The following KCNJ12 variants were observed in gnomAD, a reference collection of about 807,000 sequenced individuals.
KCNJ12 encodes ATP-sensitive inward rectifier potassium channel 12.
A neutral mutation model predicts 22.3 loss-of-function variants in KCNJ12; 2 were observed. The ratio of observed to expected loss-of-function variants is 0.09; its 90% CI spans 0.04 to 0.28. The LOEUF (loss-of-function observed/expected upper bound fraction) is 0.28. Ranked by LOEUF, KCNJ12 falls within the 10% of genes least tolerant of loss-of-function variation. The probability of loss-of-function intolerance (pLI) is 1.00; values close to 1 mark genes in which losing one functional copy is unlikely to be tolerated. For synonymous variants in KCNJ12, 117 were observed against 261.4 expected, an observed-to-expected ratio of 0.45 and a Z score of 5.33; for missense variants, 155 against 633.3, an observed-to-expected ratio of 0.24 and a Z score of 8.11.
chr17:21,409,536 C>T (rs1657721), intron 2 of KCNJ12, among the ~76,000 whole-genome samples: 31 of 152,412 alleles, frequency 2.0e-4, no homozygotes, highest in African/African-American at 5.3e-4. Flanking sequence ...GCACTGGAGC[C>T]GACTCCCGCT....
chr17:21,381,506 C>T (rs1481165146), intron 1 of KCNJ12, among the ~76,000 whole-genome samples: 1 of 152,018 alleles, frequency 6.6e-6, no homozygotes, highest in Non-Finnish European at 1.5e-5. Context: ...GCTTGCCTTG[C>T]TGTGCTTCCA....
chr17:21,387,941 G>C (rs1300375671), intron 1 of KCNJ12, among the ~76,000 whole-genome samples: 1 of 152,080 alleles, frequency 6.6e-6, no homozygotes, highest in African/African-American at 2.4e-5. Context: ...CTGGTTGGTA[G>C]CCCCCTTGAC....
intron 2 of KCNJ12, among the ~76,000 whole-genome samples, chr17:21,410,210 C>T (rs1466011736): frequency 3.3e-5 from 5 of 152,206 alleles, no homozygotes; most frequent in African/African-American, 1.2e-4. Context: ...CTGGGCAGGG[C>T]CTGCCATGAG....
intron 1 of KCNJ12, among the ~76,000 whole-genome samples, chr17:21,388,437 C>T (rs116366462): frequency 0.02 from 3,045 of 152,300 alleles, 113 homozygotes; most frequent in African/African-American, 0.067. Flanking sequence ...CCTAGTCCCT[C>T]TGGAGGTGGG....
intron 1 of KCNJ12, among the ~76,000 whole-genome samples, chr17:21,401,446 C>T (rs1179961303): frequency 6.6e-6 from 1 of 152,250 alleles, no homozygotes; most frequent in African/African-American, 2.4e-5. Context: ...ATTTCCTGCC[C>T]TGTGGGCCGA....
intron 1 of KCNJ12, among the ~76,000 whole-genome samples, chr17:21,379,293 TG>T (rs1904782182): frequency 6.6e-6 from 1 of 152,324 alleles, no homozygotes; most frequent in African/African-American, 2.4e-5. Context: ...GGCATATGGC[TG>T]GGGCGGAAGT....
Position 21,388,133 on chromosome 17 carries a change from G to T in KCNJ12, c.-179+11220G>T, listed in dbSNP as rs1555558907. On this transcript the variant is annotated intron_variant, in intron 1 of 2. Transcript: ENST00000583088. The stretch of plus-strand genomic sequence containing the variant: ...GTAGTTCCATTTCTGGCAGCTGCCG[G>T]CTCCTGCAGGGAGGGTGTTTTCCTG... 3.3e-5 allele frequency among the ~76,000 whole-genome samples: 5 copies of T among 152,296 alleles called. No homozygotes were observed. In the East Asian group the frequency reaches 7.7e-4, roughly 24 times the overall value.
chr17:21,392,563 CGG>C (rs1905236393), intron 1 of KCNJ12, among the ~76,000 whole-genome samples: 1 of 152,232 alleles, frequency 6.6e-6, no homozygotes, highest in South Asian at 2.1e-4. Flanking sequence ...GGGCTGCACC[CGG>C]CACTGGCCTT....
chr17:21,398,852 GCATAGCA>G (rs1294803442), intron 1 of KCNJ12, among the ~76,000 whole-genome samples: 1 of 152,256 alleles, frequency 6.6e-6, no homozygotes, highest in Non-Finnish European at 1.5e-5. Flanking sequence ...TGTGTGGTGT[GCATAGCA>G]CATAGCACTG....
chr17:21,385,647 C>T (rs1905047883), intron 1 of KCNJ12, among the ~76,000 whole-genome samples: 1 of 152,208 alleles, frequency 6.6e-6, no homozygotes, highest in Admixed American at 6.5e-5. Flanking sequence ...ACCCCGCTGC[C>T]CTCCTCTTTT....
At chr17:21,383,561 G>C (rs1904959188) in intron 1 of KCNJ12, among the ~76,000 whole-genome samples, 1 of 152,176 alleles carries the variant, frequency 6.6e-6, no homozygotes, top group Non-Finnish European at 1.5e-5. Flanking sequence ...GACAGTCTTG[G>C]GTCTTGTGGA....
At chr17:21,403,288 T>A (rs1905736632) in intron 1 of KCNJ12, among the ~76,000 whole-genome samples, 1 of 152,312 alleles carries the variant, frequency 6.6e-6, no homozygotes, top group Non-Finnish European at 1.5e-5. Flanking sequence ...TTCTTATTGA[T>A]TCATAAGAAC....
At chr17:21,386,037 C>G (rs941439417) in intron 1 of KCNJ12, among the ~76,000 whole-genome samples, 1 of 152,230 alleles carries the variant, frequency 6.6e-6, no homozygotes. Flanking sequence ...AAAGCCGAGG[C>G]AGGGATCAGA....
At chr17:21,409,163 T>A (rs1328765991) in intron 2 of KCNJ12, among the ~76,000 whole-genome samples, 1 of 152,304 alleles carries the variant, frequency 6.6e-6, no homozygotes, top group African/African-American at 2.4e-5. Flanking sequence ...AGATCAACTC[T>A]CACACAAGGT....
chr17:21,379,291 G>T (rs1904782081), intron 1 of KCNJ12, among the ~76,000 whole-genome samples: 1 of 152,230 alleles, frequency 6.6e-6, no homozygotes, highest in Non-Finnish European at 1.5e-5. Flanking sequence ...TTGGCATATG[G>T]CTGGGGCGGA....
rs782746237 is a variant in KCNJ12 at position 21,416,538 on chromosome 17, G to A, written c.1196G>A (p.Arg399Gln). 34 of 1,609,378 alleles carry A rather than the reference G, an allele frequency of 2.1e-5. No individual in the cohort carries two copies. In the East Asian group the frequency reaches 5.1e-4, roughly 24 times the overall value. Reference protein sequence around the residue: ...EDEADGDQDGRSRDGLSPQAR... With the variant: ...EDEADGDQDGQSRDGLSPQAR... ...GAGGCGGACGGAGACCAGGACGGCC[G>A]AAGCCGGGACGGCCTCAGCCCCCAG... Residue 399 changes from arginine to glutamine, a missense_variant, in exon 3 of 3, where the codon CGA (arginine) becomes CAA (glutamine). Physicochemically the swap from Arg to Gln is conservative, Grantham distance 43. Transcript: ENST00000583088.
rs1454858367 is a variant in KCNJ12, at chr17:21,388,970, G to C, written c.-179+12057G>C. On this transcript the variant is annotated intron_variant, in intron 1 of 2. Coordinates refer to ENST00000583088, the MANE Select transcript of KCNJ12 (RefSeq NM_021012.5). The stretch of plus-strand genomic sequence containing the variant: ...TGGCAGCGCTGGGCATGAACTTGGG[G>C]CCTGGATTGACACGGGCTGCTCTCC... Among the ~76,000 whole-genome samples the C allele has an allele frequency of 2.0e-5, 3 of 152,228 alleles. No individual in the cohort carries two copies. In the East Asian group the frequency reaches 5.8e-4, roughly 29 times the overall value.
intron 1 of KCNJ12, among the ~76,000 whole-genome samples, chr17:21,398,082 C>G (rs983174863): frequency 2.7e-5 from 4 of 146,214 alleles, no homozygotes; most frequent in African/African-American, 1.1e-4. Context: ...TAGCCCTGGA[C>G]GTGTGTGTAT....
chr17:21,386,502 AT>A (rs1402917955), intron 1 of KCNJ12, among the ~76,000 whole-genome samples: 14 of 151,748 alleles, frequency 9.2e-5, no homozygotes, highest in Middle Eastern at 3.2e-3. Flanking sequence ...TATTGTATTT[AT>A]TTTTTTTAAC....
Sources: gnomAD v4.1 joint callset for allele counts (sites outside exome capture counted in the v4.1 genomes callset) on GRCh38, gnomAD v4.1.1 for gene constraint, MANE v1.5 for transcripts, NCBI Gene and HGNC (gene_info 2026-07-23, HGNC 2026-07-21) for gene names.